The following DMGDH variants were observed in gnomAD, a reference collection of about 807,000 sequenced individuals.
The protein encoded by DMGDH is dimethylglycine dehydrogenase.
In DMGDH, 76 loss-of-function variants were observed where a neutral mutation model predicts 95.2. That is an observed-to-expected ratio of 0.80 (90% CI 0.66 to 0.97). DMGDH has a LOEUF of 0.97. Among genes scored for constraint, DMGDH ranks in the 50% least tolerant of loss-of-function variants. The probability of loss-of-function intolerance (pLI) is 0.00; values close to 1 mark genes in which losing one functional copy is unlikely to be tolerated. For missense variants in DMGDH, 987 were observed against 1,055.0 expected (o/e 0.94, Z 0.89); for synonymous variants, 345 against 377.6 (o/e 0.91, Z 1.00).
intron 5 of DMGDH, among the ~76,000 whole-genome samples, chr5:79,045,941 T>C (rs1268213088): frequency 1.3e-5 from 2 of 152,204 alleles, no homozygotes; most frequent in African/African-American, 4.8e-5. Flanking sequence ...TCCTTTGCAT[T>C]CTATTGTTTT....
At chr5:79,061,319 T>G (rs1755206961) in intron 2 of DMGDH, among the ~76,000 whole-genome samples, 1 of 151,720 alleles carries the variant, frequency 6.6e-6, no homozygotes, top group Admixed American at 6.6e-5. Flanking sequence ...GGAGGCATCT[T>G]TGACTTGCAA....
intron 14 of DMGDH, among the ~76,000 whole-genome samples, chr5:79,015,462 C>A (rs989954664): frequency 1.3e-5 from 2 of 152,214 alleles, no homozygotes; most frequent in Admixed American, 6.5e-5. Context: ...CCAGGATACA[C>A]TCCAAATTCC....
At position 79,021,559 on chromosome 5, in the gene DMGDH, G is replaced by A. The variant is rs1346989851; in HGVS notation, c.2250+2712C>T. 3 of 1,291,776 alleles carry A rather than the reference G, an allele frequency of 2.3e-6. No individual in the cohort carries two copies. In the Admixed American group the frequency reaches 6.9e-5, roughly 30 times the overall value. The allele number at this position is 1,291,776 out of a possible 1,614,324, so 80.0% of individuals were successfully genotyped here. A position where few individuals can be genotyped will look rare whatever the true frequency, so the allele number is the denominator to read the frequency against. ...TGAAAGAGTTCTTCAGTACTCCATT[G>A]TTCTTTTCCCTACTTGCTGACAGGT... is the stretch of plus-strand genomic sequence containing the variant. On this transcript the variant is annotated intron_variant, in intron 14 of 15. Coordinates refer to ENST00000255189, the MANE Select transcript of DMGDH (RefSeq NM_013391.3).
At chr5:79,055,664 G>A in intron 3 of DMGDH, 146 bp downstream of exon 3, 1 of 670,484 alleles carries the variant, frequency 1.5e-6, no homozygotes, top group Non-Finnish European at 2.7e-6. Context: ...GACTCTAGAG[G>A]TTCTTACCTT....
chr5:79,031,001 G>A lies in DMGDH; in HGVS notation c.1518-3C>T. On this transcript the variant is annotated splice_region_variant and splice_polypyrimidine_tract_variant and intron_variant, in intron 9 of 15. Coordinates refer to ENST00000255189, the MANE Select transcript of DMGDH (RefSeq NM_013391.3). ...AGTTTGTGCGGCGAAAACTTGGCCT[G>A]AAACACAACATTTAGTGTCATAAAA... is the stretch of plus-strand genomic sequence containing the variant. 3 of 1,614,120 alleles carry A rather than the reference G, an allele frequency of 1.9e-6. No individual in the cohort carries two copies. Among genetic ancestry groups the A allele is most frequent in the Non-Finnish European group, 1.7e-6 (2 of 1,180,010 alleles).
chr5:79,006,604 A>G (rs1753549934), intron 14 of DMGDH, among the ~76,000 whole-genome samples: 1 of 152,226 alleles, frequency 6.6e-6, no homozygotes, highest in Admixed American at 6.5e-5. Context: ...GGAAAACAAG[A>G]TTCTCCAAAC....
chr5:79,001,944 T>A (rs1445122503), intron 15 of DMGDH, among the ~76,000 whole-genome samples: 1 of 152,236 alleles, frequency 6.6e-6, no homozygotes, highest in Non-Finnish European at 1.5e-5. Flanking sequence ...CAGGTTCAAT[T>A]AGATCCATTC....
chr5:79,005,279 A>G lies in DMGDH; in HGVS notation c.2379T>C (p.Asn793=). The G allele has an allele frequency of 6.2e-7, 1 of 1,613,708 alleles. No homozygotes were observed. The highest frequency in any genetic ancestry group is 8.5e-7 in the Non-Finnish European group (1 of 1,179,904). The change falls in exon 15 of 16, where the codon AAT becomes AAC. Residue 793 remains asparagine (N), a synonymous_variant. Transcript: ENST00000255189. ...TGAGGTCCTCAGCACTCACCTTGCC[A>G]TTGTACCAGATGCTTTCATTTCCCT... ...DPEGNESIWY[N]GKVVGNTTSG...
In DMGDH at chr5:79,020,574, G is replaced by C. The variant is rs916199991; in HGVS notation, c.2250+3697C>G. 3 of 786,986 alleles carry C rather than the reference G, an allele frequency of 3.8e-6. No individual in the cohort carries two copies. The African/African-American group carries it at 5.7e-5, about 15-fold the overall frequency. 48.8% of individuals were successfully genotyped at this position (786,986 alleles called of 1,614,324 possible). On this transcript the variant is annotated intron_variant, in intron 14 of 15. Transcript: ENST00000255189. ...CTTTGCCTCTTTACCAGCTTTTTTGGGTTGTTTTGTTTTTGGTTATCGAAC... is the reference window on the plus strand; with the variant it reads ...CTTTGCCTCTTTACCAGCTTTTTTGCGTTGTTTTGTTTTTGGTTATCGAAC...
At chr5:79,006,179 T>C (rs1348145691) in intron 14 of DMGDH, among the ~76,000 whole-genome samples, 1 of 150,564 alleles carries the variant, frequency 6.6e-6, no homozygotes, top group African/African-American at 2.4e-5. Context: ...AGCGACATTG[T>C]TATAGGGATA....
rs141558713 is a variant in DMGDH, at chr5:79,030,840, A to G, written c.1676T>C (p.Ile559Thr). ...RLLDHLFANVIPKVGFTNISH... is the reference protein window; with the variant it reads ...RLLDHLFANVTPKVGFTNISH... ...CCCTACAAGGCTATTTACCTTTGGA[A>G]TGACATTTGCAAAGAGATGGTCCAG... is the stretch of plus-strand genomic sequence containing the variant. Residue 559 changes from isoleucine to threonine, a missense_variant, in exon 10 of 16, where the codon ATT becomes ACT. Coordinates refer to ENST00000255189, the MANE Select transcript of DMGDH (RefSeq NM_013391.3). The G allele has an allele frequency of 6.2e-7, 1 of 1,614,054 alleles. No homozygotes were observed. Among genetic ancestry groups the G allele is most frequent in the Non-Finnish European group, 8.5e-7 (1 of 1,179,992 alleles).
chr5:79,034,417 G>A (rs1754280154), intron 7 of DMGDH, among the ~76,000 whole-genome samples: 1 of 152,104 alleles, frequency 6.6e-6, no homozygotes, highest in Non-Finnish European at 1.5e-5. Context: ...AAAATAAAGG[G>A]GTTTTGACAT....
At chr5:79,047,196 A>G (rs1383711523) in intron 5 of DMGDH, among the ~76,000 whole-genome samples, 1 of 152,156 alleles carries the variant, frequency 6.6e-6, no homozygotes, top group Non-Finnish European at 1.5e-5. Flanking sequence ...TCTAAAATCT[A>G]CCATTATCAC....
intron 13 of DMGDH, 77 bp from the exon 14 acceptor site, chr5:79,024,407 A>G (rs1753942383): frequency 1.5e-6 from 2 of 1,348,222 alleles, no homozygotes; most frequent in Admixed American, 1.7e-5. Context: ...ATTTGTTTTT[A>G]GGAGAAAGAA....
intron 14 of DMGDH, among the ~76,000 whole-genome samples, chr5:79,014,687 G>A (rs971065897): frequency 1.3e-5 from 2 of 152,228 alleles, no homozygotes; most frequent in East Asian, 3.9e-4. Context: ...CACTTAGTGA[G>A]GTACCAAATG....
chr5:79,069,427 C>A, intron 1 of DMGDH, 93 bp downstream of exon 1: 2 of 629,456 alleles, frequency 3.2e-6, no homozygotes, highest in Non-Finnish European at 4.6e-6. Flanking sequence ...TCTTGGAGGC[C>A]AGAGCGCTCC....
At chr5:79,015,002 C>T (rs1690048476) in intron 14 of DMGDH, among the ~76,000 whole-genome samples, 1 of 152,106 alleles carries the variant, frequency 6.6e-6, no homozygotes. Context: ...GGATTCTCAA[C>T]ACTCACCTGC....
chr5:79,037,891 A>G (rs1754389008), intron 7 of DMGDH, among the ~76,000 whole-genome samples: 1 of 152,216 alleles, frequency 6.6e-6, no homozygotes, highest in Non-Finnish European at 1.5e-5. Context: ...TTTACTCTGA[A>G]AACTACAAAT....
intron 7 of DMGDH, 125 bp downstream of exon 7, chr5:79,042,158 C>T: frequency 1.1e-6 from 1 of 921,620 alleles, no homozygotes; most frequent in East Asian, 2.6e-5. Context: ...CTGGGTCTCT[C>T]TCTGTTTCTC....
Sources: allele counts gnomAD v4.1 joint callset (sites outside exome capture counted in the v4.1 genomes callset), GRCh38; gene constraint gnomAD v4.1.1; transcripts MANE v1.5; gene names NCBI Gene and HGNC (gene_info 2026-07-23, HGNC 2026-07-21).